INSL5: variants seen among roughly 807,000 people sequenced by gnomAD.
INSL5 encodes the protein insulin like 5, also known as insulin-like peptide INSL5.
INSL5 carries 3 observed loss-of-function variants against 4.3 expected under a neutral mutation model. That is an observed-to-expected ratio of 0.70 (90% confidence interval 0.32 to 1.82). The LOEUF is 1.82. INSL5 is among the 40% of genes most tolerant of loss of function. The pLI is 0.08. For synonymous variants in INSL5, 68 were observed against 56.6 expected (o/e 1.20, Z -0.90); for missense variants, 168 against 160.9 (o/e 1.04, Z -0.24).
chr1:66,798,836 A>G (rs1488202212), intron 1 of INSL5, among the ~76,000 whole-genome samples: 1 of 152,242 alleles, frequency 6.6e-6, no homozygotes, highest in African/African-American at 2.4e-5. Flanking sequence ...CCAGTAATTG[A>G]TCAGATAAAT....
intron 1 of INSL5, among the ~76,000 whole-genome samples, chr1:66,798,800 T>C (rs1357120055): frequency 1.3e-5 from 2 of 152,190 alleles, no homozygotes; most frequent in Non-Finnish European, 2.9e-5. Flanking sequence ...CATGAAAAAC[T>C]AGGTGAACAG....
chr1:66,798,475 G>A (rs1202176942), intron 1 of INSL5, among the ~76,000 whole-genome samples: 1 of 152,166 alleles, frequency 6.6e-6, no homozygotes, highest in Admixed American at 6.5e-5. Context: ...GCAAAGATGA[G>A]GAGTGACAGT....
At chr1:66,800,502 A>T (rs1006894375) in intron 1 of INSL5, among the ~76,000 whole-genome samples, 1 of 152,102 alleles carries the variant, frequency 6.6e-6, no homozygotes, top group African/African-American at 2.4e-5. Context: ...ACCAGCTGGG[A>T]GAAGAATTTT....
chr1:66,801,002 A>C (rs766727970), intron 1 of INSL5, 45 bp downstream of exon 1: 2 of 1,396,172 alleles, frequency 1.4e-6, no homozygotes, highest in Admixed American at 4.2e-5. Context: ...AAAATAAAAG[A>C]GACATGTGAA....
At chr1:66,799,363 A>G (rs1329516665) in intron 1 of INSL5, among the ~76,000 whole-genome samples, 1 of 152,146 alleles carries the variant, frequency 6.6e-6, no homozygotes, top group Non-Finnish European at 1.5e-5. Context: ...AAAGACAAAC[A>G]CCACATGATC....
At position 66,797,994 on chromosome 1, in the gene INSL5, T is replaced by G; in HGVS notation, c.*19A>C. The G allele has an allele frequency of 6.6e-7, 1 of 1,506,336 alleles. No individual in the cohort carries two copies. The highest frequency in any genetic ancestry group is 9.2e-7 in the Non-Finnish European group (1 of 1,082,234). 93.3% of individuals were successfully genotyped at this position (1,506,336 alleles called of 1,614,324 possible). A position where few individuals can be genotyped will look rare whatever the true frequency, so the allele number is the denominator to read the frequency against. ...ACATGTGATAAAGCTCTGCCACCCA[T>G]TGGGTATTTGCTCTTGTCTTAGCAA... On this transcript the variant is annotated 3_prime_UTR_variant, in exon 2 of 2. Coordinates refer to ENST00000304526, the MANE Select transcript of INSL5 (RefSeq NM_005478.6).
At chr1:66,800,924 C>T (rs1420953560) in intron 1 of INSL5, 123 bp downstream of exon 1, 1 of 642,968 alleles carries the variant, frequency 1.6e-6, no homozygotes, top group Non-Finnish European at 2.5e-6. Flanking sequence ...CTTAAATTGA[C>T]ATAAAAAATG....
intron 1 of INSL5, among the ~76,000 whole-genome samples, chr1:66,799,803 G>C (rs561228964): frequency 4.9e-4 from 74 of 152,272 alleles, no homozygotes; most frequent in Admixed American, 9.2e-4. Flanking sequence ...TAATCCCAGT[G>C]CTCTGGGAGG....
chr1:66,797,973 G>A lies in INSL5; in HGVS notation c.*40C>T. 7.5e-7 allele frequency: 1 copy of A among 1,327,680 alleles called. No homozygotes were observed. Among genetic ancestry groups the A allele is most frequent in the South Asian group, 1.2e-5 (1 of 83,960 alleles). 82.2% of individuals were successfully genotyped at this position (1,327,680 alleles called of 1,614,324 possible). Reference sequence around the variant, plus strand: ...GCAGTAAAACACTGTAATTAAACATGTGATAAAGCTCTGCCACCCATTGGG... The same window carrying A: ...GCAGTAAAACACTGTAATTAAACATATGATAAAGCTCTGCCACCCATTGGG... On this transcript the variant is annotated 3_prime_UTR_variant, in exon 2 of 2. Transcript: ENST00000304526.
chr1:66,798,376 A>G lies in INSL5; in HGVS notation c.176-131T>C, dbSNP rs1645355717. ...AGAATCATACACATAATTTTTTAAA[A>G]TGTTGGCCTGGTTTCAGAGAGATTA... On this transcript the variant is annotated intron_variant, in intron 1 of 1. Transcript: ENST00000304526. 3 of 666,468 alleles carry G rather than the reference A, an allele frequency of 4.5e-6. No individual in the cohort carries two copies. In the South Asian group the frequency reaches 5.8e-5, roughly 13 times the overall value. 41.3% of individuals were successfully genotyped at this position (666,468 alleles called of 1,614,324 possible).
In INSL5 at chr1:66,797,774, G is replaced by A. The variant is rs1645351744; in HGVS notation, c.*239C>T. Reference sequence around the variant, plus strand: ...AGCATTTTTATTGCAATTTTGCGCAGCATTTGAAATTTCAAAGCATTAGTA... The same window carrying A: ...AGCATTTTTATTGCAATTTTGCGCAACATTTGAAATTTCAAAGCATTAGTA... On this transcript the variant is annotated 3_prime_UTR_variant, in exon 2 of 2. Transcript: ENST00000304526. 1 of 381,466 alleles carries A rather than the reference G, an allele frequency of 2.6e-6. No individual in the cohort carries two copies. The highest frequency in any genetic ancestry group is 2.1e-5 in the African/African-American group (1 of 48,650). The allele number at this position is 381,466 out of a possible 1,614,324, so 23.6% of individuals were successfully genotyped here. A position where few individuals can be genotyped will look rare whatever the true frequency, so the allele number is the denominator to read the frequency against.
At chr1:66,800,390 T>G (rs941064942) in intron 1 of INSL5, among the ~76,000 whole-genome samples, 8 of 152,102 alleles carry the variant, frequency 5.3e-5, no homozygotes, top group African/African-American at 1.7e-4. Flanking sequence ...ATAGGTGACA[T>G]TTTGTAACAT....
chr1:66,801,063 G>GA lies in INSL5; in HGVS notation c.158dup (p.Gln55SerfsTer6), dbSNP rs1319766258. Reference sequence around the variant, plus strand: ...TACTGTTACCTTGCTGAGCTTGAGGGATCCCCTCCTGATGCCTTCTCCACC... The same window carrying GA: ...TACTGTTACCTTGCTGAGCTTGAGGGAATCCCCTCCTGATGCCTTCTCCACC... On this transcript the variant is annotated frameshift_variant, in exon 1 of 2. Coordinates refer to ENST00000304526, the MANE Select transcript of INSL5 (RefSeq NM_005478.6). LOFTEE classifies it low-confidence loss of function (END_TRUNC). 6.2e-7 allele frequency: 1 copy of GA among 1,611,768 alleles called. No homozygotes were observed. Among genetic ancestry groups the GA allele is most frequent in the Admixed American group, 1.7e-5 (1 of 59,708 alleles).
rs974341265 is a variant in INSL5, at chr1:66,797,883, T to A, written c.*130A>T. On this transcript the variant is annotated 3_prime_UTR_variant, in exon 2 of 2. Transcript: ENST00000304526. ...GTTTCAACCGCTCAGCTATACCTTT[T>A]AGAAAAGAAGTTTTGCCTACCCAAA... 75 of 657,134 alleles carry A rather than the reference T, an allele frequency of 1.1e-4. No homozygotes were observed. Among genetic ancestry groups the A allele is most frequent in the Non-Finnish European group, 1.7e-4 (65 of 378,966 alleles). The allele number at this position is 657,134 out of a possible 1,614,324, so 40.7% of individuals were successfully genotyped here. A position where few individuals can be genotyped will look rare whatever the true frequency, so the allele number is the denominator to read the frequency against.
chr1:66,798,924 A>G (rs931362521), intron 1 of INSL5, among the ~76,000 whole-genome samples: 1 of 152,216 alleles, frequency 6.6e-6, no homozygotes, highest in Admixed American at 6.5e-5. Context: ...CAACAGAGCT[A>G]GCCTTATAGA....
Position 66,798,029 on chromosome 1 carries a change from A to T in INSL5, c.392T>A (p.Leu131Ter), listed in dbSNP as rs1215190431. Residue 131 changes from leucine (L) to a stop codon, truncating the protein, a stop_gained, in exon 2 of 2, where the codon TTG becomes TAG. Coordinates refer to ENST00000304526, the MANE Select transcript of INSL5 (RefSeq NM_005478.6). LOFTEE classifies it high-confidence loss of function. ...CCTDGCSMTD[L>*]SALC The stretch of plus-strand genomic sequence containing the variant: ...GCTCTTGTCTTAGCAAAGAGCACTC[A>T]AATCAGTCATGGAACAGCCATCAGT... 3.7e-6 allele frequency: 6 copies of T among 1,613,404 alleles called. No homozygotes were observed. The Admixed American group carries it at 8.3e-5, about 22-fold the overall frequency.
In INSL5 at chr1:66,798,061, C is replaced by T. The variant is rs1645353822; in HGVS notation, c.360G>A (p.Leu120=). ...SVMSRQDLQT[L]CCTDGCSMTD... is the part of the protein sequence containing the mutation. ...TCATGGAACAGCCATCAGTGCAACA[C>T]AAAGTTTGTAAATCTTGTCTTGACA... Residue 120 remains leucine, a synonymous_variant, in exon 2 of 2, where the codon TTG becomes TTA. Transcript: ENST00000304526. 6.2e-7 allele frequency: 1 copy of T among 1,614,014 alleles called. No homozygotes were observed. The highest frequency in any genetic ancestry group is 1.3e-5 in the African/African-American group (1 of 74,926).
rs376698421 is a variant in INSL5 at position 66,801,119 on chromosome 1, G to A, written c.103C>T (p.Arg35Trp). Residue 35 changes from arginine (R) to tryptophan (W), a missense_variant, in exon 1 of 2, where the codon CGG becomes TGG. By Grantham distance (101) the Arg-to-Trp change is moderately radical. Coordinates refer to ENST00000304526, the MANE Select transcript of INSL5 (RefSeq NM_005478.6). ...CTAGCACAGATATAGATGACTGTCCGTATGTATTCTAGCCCACAGAGTCTC... is the reference window on the plus strand; with the variant it reads ...CTAGCACAGATATAGATGACTGTCCATATGTATTCTAGCCCACAGAGTCTC... ...SVRLCGLEYI[R>W]TVIYICASSR... is the part of the protein sequence containing the mutation. 5.6e-5 allele frequency: 90 copies of A among 1,613,264 alleles called. No individual in the cohort carries two copies. In the East Asian group the frequency reaches 6.5e-4, roughly 12 times the overall value.
chr1:66,800,932 A>T (rs1192441191), intron 1 of INSL5, 115 bp downstream of exon 1: 2 of 698,196 alleles, frequency 2.9e-6, no homozygotes, highest in Admixed American at 2.9e-5. Flanking sequence ...GACATAAAAA[A>T]TGCCTCAACA....
Sources: gnomAD v4.1 joint callset for allele counts (sites outside exome capture counted in the v4.1 genomes callset) on GRCh38, gnomAD v4.1.1 for gene constraint, MANE v1.5 for transcripts, NCBI Gene and HGNC (gene_info 2026-07-23, HGNC 2026-07-21) for gene names.